DSCAML1: variants seen among roughly 807,000 people sequenced by gnomAD.
DSCAML1 encodes DS cell adhesion molecule like 1, also known as cell adhesion molecule DSCAML1.
Under a neutral mutation model 200.5 loss-of-function variants are expected in DSCAML1, and 38 were observed. That is an observed-to-expected ratio of 0.19 (90% CI 0.15 to 0.25). The LOEUF (loss-of-function observed/expected upper bound fraction) is 0.25, where lower values mean the gene tolerates loss of function less well. Among genes scored for constraint, DSCAML1 ranks in the 10% least tolerant of loss-of-function variants. DSCAML1 has a pLI of 1.00. For synonymous variants in DSCAML1, 1,215 were observed against 1,165.0 expected (o/e 1.04, Z -0.87); for missense variants, 2,223 against 2,858.8 (o/e 0.78, Z 5.07).
At chr11:117,814,035 T>G (rs1475562786) in intron 1 of DSCAML1, among the ~76,000 whole-genome samples, 1 of 152,150 alleles carries the variant, frequency 6.6e-6, no homozygotes, top group Non-Finnish European at 1.5e-5. Context: ...CATTCCACCA[T>G]TGTGATTTGT....
At chr11:117,443,044 C>T (rs2048100328) in intron 21 of DSCAML1, among the ~76,000 whole-genome samples, 2 of 152,160 alleles carry the variant, frequency 1.3e-5, no homozygotes, top group African/African-American at 4.8e-5. Flanking sequence ...CCAAGAGAAG[C>T]TTGAGTGGCC....
At chr11:117,781,258 T>C (rs558647732) in intron 1 of DSCAML1, among the ~76,000 whole-genome samples, 2 of 139,222 alleles carry the variant, frequency 1.4e-5, no homozygotes, top group African/African-American at 2.8e-5. Context: ...GCCACTGCAC[T>C]CCAGCCTGGG....
intron 3 of DSCAML1, among the ~76,000 whole-genome samples, chr11:117,613,666 G>C (rs1348187576): frequency 2.0e-5 from 3 of 152,214 alleles, no homozygotes; most frequent in Non-Finnish European, 4.4e-5. Context: ...CCTGCCAGGA[G>C]ACTTTACCGC....
At chr11:117,462,766 C>G (rs963467158) in intron 17 of DSCAML1, among the ~76,000 whole-genome samples, 1 of 152,210 alleles carries the variant, frequency 6.6e-6, no homozygotes, top group Non-Finnish European at 1.5e-5. Context: ...AGCAGGGGCC[C>G]TTGAATACCC....
chr11:117,631,842 C>T (rs554421943), intron 3 of DSCAML1, among the ~76,000 whole-genome samples: 2 of 152,320 alleles, frequency 1.3e-5, no homozygotes, highest in East Asian at 3.9e-4. Flanking sequence ...TGACCTGGTG[C>T]CTGTCCTTGA....
rs2047777606 is a variant in DSCAML1, at chr11:117,430,988, G to A, written c.5420C>T (p.Thr1807Ile). ...SMVSTESASS[T>I]YEELARAYEH... Reference sequence around the variant, plus strand: ...ATAGGCCCGGGCCAGCTCCTCGTAGGTGGAAGAGGCACTCTCAGTGGACAC... The same window carrying A: ...ATAGGCCCGGGCCAGCTCCTCGTAGATGGAAGAGGCACTCTCAGTGGACAC... The change falls in exon 32 of 33, where the codon ACC becomes ATC. Residue 1807 changes from threonine (T) to isoleucine (I), a missense_variant. Transcript: ENST00000651296. 2 of 1,614,040 alleles carry A rather than the reference G, an allele frequency of 1.2e-6. No homozygotes were observed. The highest frequency in any genetic ancestry group is 1.7e-6 in the Non-Finnish European group (2 of 1,180,042).
At chr11:117,555,651 G>A (rs1001542293) in intron 3 of DSCAML1, among the ~76,000 whole-genome samples, 7 of 152,142 alleles carry the variant, frequency 4.6e-5, no homozygotes, top group South Asian at 2.1e-4. Flanking sequence ...AGGGATGCAC[G>A]GGGCAGGGAG....
intron 5 of DSCAML1, among the ~76,000 whole-genome samples, chr11:117,523,294 G>GAGAGAA (rs2049914678): frequency 6.6e-6 from 1 of 151,932 alleles, no homozygotes; most frequent in African/African-American, 2.4e-5. Context: ...GAGAGAAAGA[G>GAGAGAA]AGAGAGTGTA....
intron 14 of DSCAML1, among the ~76,000 whole-genome samples, chr11:117,473,574 A>G (rs2048729550): frequency 6.6e-6 from 1 of 152,176 alleles, no homozygotes; most frequent in African/African-American, 2.4e-5. Flanking sequence ...TCACCAGAAG[A>G]CAATGTCCCA....
In DSCAML1 at chr11:117,516,380, A is replaced by G. The variant is rs2049767824; in HGVS notation, c.1783+87T>C. 1.3e-6 allele frequency: 2 copies of G among 1,501,724 alleles called. No individual in the cohort carries two copies. The highest frequency in any genetic ancestry group is 1.8e-6 in the Non-Finnish European group (2 of 1,109,742). The allele number at this position is 1,501,724 out of a possible 1,614,324, so 93.0% of individuals were successfully genotyped here. A position where few individuals can be genotyped will look rare whatever the true frequency, so the allele number is the denominator to read the frequency against. On this transcript the variant is annotated intron_variant, in intron 8 of 32. Transcript: ENST00000651296. The surrounding 1 kb of genome is among the most constrained non-coding windows in gnomAD (Gnocchi z 5.7). ...GCCTTCCGTTCACCCAGGATTGCCTATTGTTGTCTGAGTCCCAGCTGGGGA... is the reference window on the plus strand; with the variant it reads ...GCCTTCCGTTCACCCAGGATTGCCTGTTGTTGTCTGAGTCCCAGCTGGGGA...
chr11:117,809,515 G>A (rs1005276426), intron 1 of DSCAML1, among the ~76,000 whole-genome samples: 5 of 152,200 alleles, frequency 3.3e-5, no homozygotes, highest in Non-Finnish European at 7.3e-5. Context: ...TGGTGGCGCC[G>A]CAGGCTGCTG....
intron 3 of DSCAML1, among the ~76,000 whole-genome samples, chr11:117,650,667 C>CTGTGTGTGTGTGTGTGTGTGTG (rs66966642): frequency 7.0e-6 from 1 of 143,432 alleles, no homozygotes; most frequent in African/African-American, 2.6e-5. Context: ...GTGTGTCTAT[C>CTGTGTGTGTGTGTGTGTGTGTG]TGTGTGTGTG....
chr11:117,484,013 G>A (rs922715981), intron 11 of DSCAML1, among the ~76,000 whole-genome samples: 5 of 145,170 alleles, frequency 3.4e-5, no homozygotes, highest in African/African-American at 1.0e-4. Context: ...TCAAAACCCA[G>A]TTCCCTGCCC....
chr11:117,715,317 C>A (rs942563260), intron 3 of DSCAML1, among the ~76,000 whole-genome samples: 1 of 151,612 alleles, frequency 6.6e-6, no homozygotes, highest in Admixed American at 6.6e-5. Flanking sequence ...GCTCTCCTTG[C>A]CTGTCCTGAG....
chr11:117,740,171 C>A (rs1371598357), intron 3 of DSCAML1, among the ~76,000 whole-genome samples: 1 of 152,036 alleles, frequency 6.6e-6, no homozygotes, highest in Non-Finnish European at 1.5e-5. Flanking sequence ...AGGACCAGGG[C>A]CCTTACATAT....
In DSCAML1 at chr11:117,518,713, G is replaced by A. The variant is rs145582678; in HGVS notation, c.1263C>T (p.Pro421=). 39 of 1,612,994 alleles carry A rather than the reference G, an allele frequency of 2.4e-5. No homozygotes were observed. The highest frequency in any genetic ancestry group is 2.0e-4 in the Admixed American group (12 of 60,022). The change falls in exon 7 of 33, where the codon CCC becomes CCT. Residue 421 remains proline, a synonymous_variant. Transcript: ENST00000651296. This position sits in a 1 kb window ranked among gnomAD's most constrained non-coding sequence, Gnocchi z 6.3. Reference sequence around the variant, plus strand: ...CACACATCAGTGAGAACTGCTCCCCGGGGTTGACCACCTTCTCGCTGAAGG... The same window carrying A: ...CACACATCAGTGAGAACTGCTCCCCAGGGTTGACCACCTTCTCGCTGAAGG... ...VSSFSEKVVN[P]GEQFSLMCAA...
At position 117,439,305 on chromosome 11, in the gene DSCAML1, C is replaced by T. The variant is rs770782580; in HGVS notation, c.4105G>A (p.Gly1369Ser). ...GYYTCTATNT[G>S]GFDTIIVNLL... ...TTGACGATGATGGTGTCAAAGCCAC[C>T]AGTGTTGGTGGCCGTGCACGTGTAG... The change falls in exon 23 of 33, where the codon GGT (glycine) becomes AGT (serine). Residue 1369 changes from glycine (G) to serine (S), a missense_variant. Coordinates refer to ENST00000651296, the MANE Select transcript of DSCAML1 (RefSeq NM_020693.4). The T allele has an allele frequency of 1.9e-6, 3 of 1,614,096 alleles. No individual in the cohort carries two copies. Among genetic ancestry groups the T allele is most frequent in the African/African-American group, 1.3e-5 (1 of 75,048 alleles).
rs565061694 is a variant in DSCAML1 at position 117,600,914 on chromosome 11, C to A, written c.512-68392G>T. The stretch of plus-strand genomic sequence containing the variant: ...GAGGAAGCATAGGGATCCCACAGAC[C>A]CAACTGTGCTTGGGCACTGGGAAGA... On this transcript the variant is annotated intron_variant, in intron 3 of 32. Coordinates refer to ENST00000651296, the MANE Select transcript of DSCAML1 (RefSeq NM_020693.4). 7.2e-5 allele frequency among the ~76,000 whole-genome samples: 11 copies of A among 152,218 alleles called. No homozygotes were observed. The South Asian group carries it at 1.9e-3, about 26-fold the overall frequency.
intron 3 of DSCAML1, among the ~76,000 whole-genome samples, chr11:117,667,147 C>G (rs1211052328): frequency 1.3e-5 from 2 of 152,160 alleles, no homozygotes; most frequent in Non-Finnish European, 2.9e-5. Context: ...CACGATGGCT[C>G]ACGCCTGTAA....
Sources: allele counts gnomAD v4.1 joint callset (sites outside exome capture counted in the v4.1 genomes callset), GRCh38; gene constraint gnomAD v4.1.1; non-coding constraint Gnocchi (gnomAD v3.1); transcripts MANE v1.5; gene names NCBI Gene and HGNC (gene_info 2026-07-23, HGNC 2026-07-21).